Variants in AGPAT4 observed in about 807,000 individuals in gnomAD.
AGPAT4 encodes 1-acyl-sn-glycerol-3-phosphate acyltransferase delta.
AGPAT4 carries 15 observed loss-of-function variants against 48.0 expected under a neutral mutation model. The observed-to-expected ratio is 0.31, with a 90% CI of 0.21 to 0.48. The LOEUF is 0.48. Ranked by LOEUF, AGPAT4 falls within the 20% of genes least tolerant of loss-of-function variation. AGPAT4 has a pLI of 0.99. For synonymous variants in AGPAT4, 178 were observed against 198.7 expected (o/e 0.90, Z 0.88); for missense variants, 314 against 482.5 (o/e 0.65, Z 3.27).
rs1349884438 is a variant in AGPAT4 at position 161,132,018 on chromosome 6, T to C, written c.*4522A>G. 2 of 152,382 alleles carry C rather than the reference T, an allele frequency of 1.3e-5. No individual in the cohort carries two copies. The highest frequency in any genetic ancestry group is 4.8e-5 in the African/African-American group (2 of 41,466). The allele number at this position is 152,382 out of a possible 1,614,324, so 9.4% of individuals were successfully genotyped here. A position where few individuals can be genotyped will look rare whatever the true frequency, so the allele number is the denominator to read the frequency against. ...GAATTAGAGTGCTGGGATGTGCTAA[T>C]GCCTAGGGAGGCATCAGGCACTGTG... On this transcript the variant is annotated 3_prime_UTR_variant, in exon 9 of 9. Transcript: ENST00000320285.
intron 2 of AGPAT4, among the ~76,000 whole-genome samples, chr6:161,190,865 C>CAATAGACT (rs1217704116): frequency 2.0e-5 from 3 of 152,080 alleles, no homozygotes; most frequent in Non-Finnish European, 4.4e-5. Context: ...TGTATTTATC[C>CAATAGACT]AATAGACTGT....
intron 4 of AGPAT4, 23 bp from the exon 5 acceptor site, chr6:161,153,522 C>T (rs777544047): frequency 1.5e-5 from 24 of 1,611,778 alleles, no homozygotes; most frequent in East Asian, 2.2e-5. Flanking sequence ...AGGCAGGAGT[C>T]GCACGCAGCC....
intron 3 of AGPAT4, among the ~76,000 whole-genome samples, chr6:161,157,334 CAG>C (rs1345803785): frequency 6.6e-6 from 1 of 152,216 alleles, no homozygotes; most frequent in Non-Finnish European, 1.5e-5. Flanking sequence ...TGTTTTGAGA[CAG>C]AGTTTTGCTC....
chr6:161,268,410 C>T (rs1783327341), intron 1 of AGPAT4, among the ~76,000 whole-genome samples: 1 of 152,166 alleles, frequency 6.6e-6, no homozygotes, highest in Non-Finnish European at 1.5e-5. Context: ...TATGCGTGTG[C>T]CATGATGGTT....
rs760770542 is a variant in AGPAT4, at chr6:161,147,059, C to T, written c.768-460G>A. On this transcript the variant is annotated intron_variant, in intron 6 of 8. Coordinates refer to ENST00000320285, the MANE Select transcript of AGPAT4 (RefSeq NM_020133.3). The surrounding 1 kb of genome is among the most constrained non-coding windows in gnomAD (Gnocchi z 4.8). ...CTTACTGGTAATGGCAGATTATCTCCCATCAAATGATTCCTCTGGCCTCTT... is the reference window on the plus strand; with the variant it reads ...CTTACTGGTAATGGCAGATTATCTCTCATCAAATGATTCCTCTGGCCTCTT... Among the ~76,000 whole-genome samples, 10 of 152,186 alleles carry T rather than the reference C, an allele frequency of 6.6e-5. No individual in the cohort carries two copies. Among genetic ancestry groups the T allele is most frequent in the Non-Finnish European group, 1.5e-4 (10 of 68,040 alleles).
Position 161,216,714 on chromosome 6 carries a change from T to G in AGPAT4, c.178+15322A>C, listed in dbSNP as rs1781655907. On this transcript the variant is annotated intron_variant, in intron 2 of 8. Coordinates refer to ENST00000320285, the MANE Select transcript of AGPAT4 (RefSeq NM_020133.3). This position sits in a 1 kb window ranked among gnomAD's most constrained non-coding sequence, Gnocchi z 4.8. ...CATGGTGGGAGGCGAAAGGCTCTTC[T>G]TAAGCAGCGACAGCAAGAGAAAATG... 6.6e-6 allele frequency among the ~76,000 whole-genome samples: 1 copy of G among 152,162 alleles called. No homozygotes were observed. The highest frequency in any genetic ancestry group is 2.1e-4 in the South Asian group (1 of 4,826).
intron 2 of AGPAT4, among the ~76,000 whole-genome samples, chr6:161,227,574 C>A (rs1052726811): frequency 6.6e-6 from 1 of 152,240 alleles, no homozygotes; most frequent in Non-Finnish European, 1.5e-5. Context: ...CTTGCACGCA[C>A]AGCCCTTGCT....
chr6:161,169,012 T>C lies in AGPAT4; in HGVS notation c.179-2595A>G, dbSNP rs1175802315. On this transcript the variant is annotated intron_variant, in intron 2 of 8. Transcript: ENST00000320285. The surrounding 1 kb of genome is among the most constrained non-coding windows in gnomAD (Gnocchi z 5.0). Reference sequence around the variant, plus strand: ...TGGGGCATAGCAGGCAATCAATAAATGGACAGCTTTTTAATTACTATTATA... The same window carrying C: ...TGGGGCATAGCAGGCAATCAATAAACGGACAGCTTTTTAATTACTATTATA... Among the ~76,000 whole-genome samples the C allele has an allele frequency of 1.3e-5, 2 of 152,104 alleles. No homozygotes were observed. Among genetic ancestry groups the C allele is most frequent in the Non-Finnish European group, 2.9e-5 (2 of 68,034 alleles).
intron 5 of AGPAT4, among the ~76,000 whole-genome samples, chr6:161,151,118 G>A (rs1336812741): frequency 1.3e-5 from 2 of 152,236 alleles, no homozygotes; most frequent in Non-Finnish European, 2.9e-5. Context: ...AGGCGCATCA[G>A]AAGGAGTGAG....
In AGPAT4 at chr6:161,208,218, T is replaced by C. The variant is rs1012761980; in HGVS notation, c.178+23818A>G. On this transcript the variant is annotated intron_variant, in intron 2 of 8. Transcript: ENST00000320285. This position sits in a 1 kb window ranked among gnomAD's most constrained non-coding sequence, Gnocchi z 4.6. ...TTACATTTCAGTCTCCTTTTTTATA[T>C]GAACGTTAGCTACCAAGACAAGCAC... is the stretch of plus-strand genomic sequence containing the variant. Among the ~76,000 whole-genome samples, 6 of 152,202 alleles carry C rather than the reference T, an allele frequency of 3.9e-5. No individual in the cohort carries two copies. Among genetic ancestry groups the C allele is most frequent in the African/African-American group, 1.4e-4 (6 of 41,460 alleles).
rs1445765349 is a variant in AGPAT4, at chr6:161,225,502, CTTTA to C, written c.178+6530_178+6533del. ...TGCTATTTCTTTTGCAGCACCGAAA[CTTTA>C]TTTATAACAATTCCCTGTCACTTCC... On this transcript the variant is annotated intron_variant, in intron 2 of 8. Coordinates refer to ENST00000320285, the MANE Select transcript of AGPAT4 (RefSeq NM_020133.3). This position sits in a 1 kb window ranked among gnomAD's most constrained non-coding sequence, Gnocchi z 5.0. Among the ~76,000 whole-genome samples, 1 of 152,188 alleles carries C rather than the reference CTTTA, an allele frequency of 6.6e-6. No individual in the cohort carries two copies. The highest frequency in any genetic ancestry group is 1.5e-5 in the Non-Finnish European group (1 of 68,034).
Position 161,165,722 on chromosome 6 carries a change from G to T in AGPAT4, c.348+526C>A. ...ACGTGCAAGAGGTCAAACTAGTTGG[G>T]AAAAAAAAAAAACAGAATTTCAGAA... On this transcript the variant is annotated intron_variant, in intron 3 of 8. Transcript: ENST00000320285. This position sits in a 1 kb window ranked among gnomAD's most constrained non-coding sequence, Gnocchi z 5.5. The T allele has an allele frequency of 1.5e-6, 1 of 688,498 alleles. No homozygotes were observed. The highest frequency in any genetic ancestry group is 2.2e-6 in the Non-Finnish European group (1 of 452,800). 42.6% of individuals were successfully genotyped at this position (688,498 alleles called of 1,614,324 possible).
rs999194228 is a variant in AGPAT4 at position 161,221,003 on chromosome 6, T to C, written c.178+11033A>G. On this transcript the variant is annotated intron_variant, in intron 2 of 8. Coordinates refer to ENST00000320285, the MANE Select transcript of AGPAT4 (RefSeq NM_020133.3). This position sits in a 1 kb window ranked among gnomAD's most constrained non-coding sequence, Gnocchi z 4.5. The stretch of plus-strand genomic sequence containing the variant: ...TTTACCATGTTGGTCAGGCTGGTCT[T>C]GAACTCCTGACCTCAGGTGATCTAC... Among the ~76,000 whole-genome samples the C allele has an allele frequency of 2.6e-5, 4 of 152,010 alleles. No individual in the cohort carries two copies. The highest frequency in any genetic ancestry group is 7.3e-5 in the African/African-American group (3 of 41,354).
rs747826166 is a variant in AGPAT4, at chr6:161,245,903, T to G, written c.-89-13601A>C. ...ATAATGGACCTGAAGAGAGACTTATTAGAAAACAAATGCACTTAAATGCTT... is the reference window on the plus strand; with the variant it reads ...ATAATGGACCTGAAGAGAGACTTATGAGAAAACAAATGCACTTAAATGCTT... On this transcript the variant is annotated intron_variant, in intron 1 of 8. Coordinates refer to ENST00000320285, the MANE Select transcript of AGPAT4 (RefSeq NM_020133.3). This position sits in a 1 kb window ranked among gnomAD's most constrained non-coding sequence, Gnocchi z 5.2. Among the ~76,000 whole-genome samples, 1 of 152,220 alleles carries G rather than the reference T, an allele frequency of 6.6e-6. No individual in the cohort carries two copies.
chr6:161,181,761 A>T (rs1780601174), intron 2 of AGPAT4, among the ~76,000 whole-genome samples: 1 of 151,896 alleles, frequency 6.6e-6, no homozygotes, highest in Admixed American at 6.6e-5. Flanking sequence ...TCCCACTCAC[A>T]CGTCCGCACC....
intron 1 of AGPAT4, among the ~76,000 whole-genome samples, chr6:161,263,937 T>C (rs1385834114): frequency 2.0e-5 from 3 of 152,224 alleles, no homozygotes; most frequent in Admixed American, 1.3e-4. Context: ...TGCTCAGGCA[T>C]TGCTAGCTCT....
chr6:161,199,973 G>A (rs889878382), intron 2 of AGPAT4, among the ~76,000 whole-genome samples: 4 of 152,102 alleles, frequency 2.6e-5, no homozygotes, highest in African/African-American at 7.2e-5. Context: ...TGAGAACAAC[G>A]GCTTGTTCCT....
rs1423019096 is a variant in AGPAT4, at chr6:161,136,454, G to C, written c.*86C>G. 2 of 1,288,618 alleles carry C rather than the reference G, an allele frequency of 1.6e-6. No individual in the cohort carries two copies. Among genetic ancestry groups the C allele is most frequent in the Non-Finnish European group, 2.2e-6 (2 of 897,202 alleles). 79.8% of individuals were successfully genotyped at this position (1,288,618 alleles called of 1,614,324 possible). ...GCCGTGCCCAGCAGGGGCTCACCCA[G>C]CCTTTGTCACCGTGTCCCACTAAGG... On this transcript the variant is annotated 3_prime_UTR_variant, in exon 9 of 9. Transcript: ENST00000320285.
In AGPAT4 at chr6:161,169,151, C is replaced by T. The variant is rs1347238917; in HGVS notation, c.179-2734G>A. 6.6e-6 allele frequency among the ~76,000 whole-genome samples: 1 copy of T among 152,148 alleles called. No homozygotes were observed. The highest frequency in any genetic ancestry group is 1.9e-4 in the East Asian group (1 of 5,196). ...ACCCAGAGAGAGAACATCACAGAGA[C>T]TTCTGGGTTACCAGAGTAAGGAGTT... On this transcript the variant is annotated intron_variant, in intron 2 of 8. Transcript: ENST00000320285. The surrounding 1 kb of genome is among the most constrained non-coding windows in gnomAD (Gnocchi z 5.0).
Sources: allele counts gnomAD v4.1 joint callset (sites outside exome capture counted in the v4.1 genomes callset), GRCh38; gene constraint gnomAD v4.1.1; non-coding constraint Gnocchi (gnomAD v3.1); transcripts MANE v1.5; gene names NCBI Gene and HGNC (gene_info 2026-07-23, HGNC 2026-07-21).